Variants in CASQ2 observed in about 807,000 individuals in gnomAD.
CASQ2 encodes calsequestrin 2.
Under a neutral mutation model 46.5 loss-of-function variants are expected in CASQ2, and 49 were observed. The observed-to-expected ratio is 1.05, with a 90% CI of 0.84 to 1.34. The LOEUF (loss-of-function observed/expected upper bound fraction) is 1.34, where lower values mean the gene tolerates loss of function less well. CASQ2 is among the 40% of genes most tolerant of loss of function. CASQ2 has a pLI of 0.00. For missense variants in CASQ2, 486 were observed against 481.3 expected, an observed-to-expected ratio of 1.01 and a Z score of -0.09; for synonymous variants, 174 against 168.5, an observed-to-expected ratio of 1.03 and a Z score of -0.25.
At chr1:115,735,332 G>C (rs376931421) in intron 4 of CASQ2, among the ~76,000 whole-genome samples, 1 of 152,116 alleles carries the variant, frequency 6.6e-6, no homozygotes, top group African/African-American at 2.4e-5. Flanking sequence ...GGTTAACTGC[G>C]CAAGAATTTT....
intron 4 of CASQ2, among the ~76,000 whole-genome samples, chr1:115,734,338 G>T (rs1036181709): frequency 2.6e-5 from 4 of 152,122 alleles, no homozygotes; most frequent in African/African-American, 9.7e-5. Context: ...CAATCCCCAT[G>T]TCCCTGATGA....
intron 1 of CASQ2, among the ~76,000 whole-genome samples, chr1:115,757,231 T>C (rs534764954): frequency 2.4e-4 from 36 of 152,278 alleles, no homozygotes; most frequent in African/African-American, 7.7e-4. Flanking sequence ...TCTTTTACCG[T>C]CTCACTCCAA....
chr1:115,722,613 G>A (rs757031441), intron 7 of CASQ2, among the ~76,000 whole-genome samples: 2 of 151,936 alleles, frequency 1.3e-5, no homozygotes, highest in Non-Finnish European at 2.9e-5. Flanking sequence ...TGCCTCTTAG[G>A]AATAAAGACA....
intron 2 of CASQ2, among the ~76,000 whole-genome samples, chr1:115,743,197 G>GTTTATTTATTTATTTA (rs61424506): frequency 2.7e-5 from 1 of 36,378 alleles, no homozygotes; most frequent in African/African-American, 3.8e-5. Context: ...CTTTATTTTT[G>GTTTATTTATTTATTTA]TTTATTTATT....
chr1:115,708,383 G>A (rs185375627), intron 8 of CASQ2, among the ~76,000 whole-genome samples: 231 of 152,284 alleles, frequency 1.5e-3, no homozygotes, highest in Admixed American at 2.5e-3. Flanking sequence ...TTCTGTAATG[G>A]ACAATGTCTC....
intron 7 of CASQ2, among the ~76,000 whole-genome samples, chr1:115,724,476 A>G (rs1352736650): frequency 1.3e-5 from 2 of 152,164 alleles, no homozygotes; most frequent in Non-Finnish European, 2.9e-5. Flanking sequence ...CTAATTAATA[A>G]TACTTGTTCT....
Position 115,721,692 on chromosome 1 carries a change from T to C in CASQ2, c.784-3798A>G, listed in dbSNP as rs186405298. ...CTCAAAGGATGCTCCTGCCTCAGCC[T>C]CTCAAGCAGCTGGGACTATTGGCAC... On this transcript the variant is annotated intron_variant, in intron 7 of 10. Transcript: ENST00000261448. Among the ~76,000 whole-genome samples, 277 of 152,238 alleles carry C rather than the reference T, an allele frequency of 1.8e-3. 1 individual carries two copies. The highest frequency in any genetic ancestry group is 2.9e-3 in the Admixed American group (44 of 15,298).
intron 8 of CASQ2, among the ~76,000 whole-genome samples, chr1:115,717,271 A>C (rs915268015): frequency 6.6e-6 from 1 of 152,186 alleles, no homozygotes; most frequent in African/African-American, 2.4e-5. Flanking sequence ...CTAATACAAT[A>C]AGATTTCCAT....
chr1:115,743,866 A>G (rs1648284496), intron 2 of CASQ2, among the ~76,000 whole-genome samples: 2 of 152,024 alleles, frequency 1.3e-5, no homozygotes, highest in Admixed American at 6.5e-5. Context: ...GCCGGGAGCT[A>G]TGGCTCACGC....
chr1:115,723,307 A>ATCTATCTATCTG (rs1647456284), intron 7 of CASQ2, among the ~76,000 whole-genome samples: 2 of 150,332 alleles, frequency 1.3e-5, no homozygotes, highest in African/African-American at 2.5e-5. Context: ...CTATCTATTT[A>ATCTATCTATCTG]TCTATCTATC....
chr1:115,743,991 A>AG (rs907291078), intron 2 of CASQ2, among the ~76,000 whole-genome samples: 4 of 151,842 alleles, frequency 2.6e-5, no homozygotes, highest in African/African-American at 9.7e-5. Context: ...ACAAAAAAAA[A>AG]AAATGAACTG....
chr1:115,758,732 G>A (rs758053065), intron 1 of CASQ2, among the ~76,000 whole-genome samples: 5 of 152,042 alleles, frequency 3.3e-5, no homozygotes, highest in Admixed American at 6.5e-5. Context: ...TCTCTCTCTC[G>A]CTTCCTCTGG....
At chr1:115,703,080 A>C in intron 9 of CASQ2, 85 bp from the exon 10 acceptor site, 2 of 1,035,574 alleles carry the variant, frequency 1.9e-6, no homozygotes, top group Non-Finnish European at 3.0e-6. Context: ...CACAGTAACT[A>C]GGTCACCATT....
At position 115,705,222 on chromosome 1, in the gene CASQ2, G is replaced by A. The variant is rs1403247171; in HGVS notation, c.909C>T (p.Ile303=). Residue 303 remains isoleucine (I), a synonymous_variant, in exon 9 of 11, where the codon ATC becomes ATT. Transcript: ENST00000261448. The part of the protein sequence containing the change: ...RDNTDNPDLS[I]LWIDPDDFPL... ...GAAAGTCGTCCGGGTCGATCCACAG[G>A]ATGCTCAGATCGGGGTTGTCAGTAT... 2 of 1,613,838 alleles carry A rather than the reference G, an allele frequency of 1.2e-6. No homozygotes were observed. Among genetic ancestry groups the A allele is most frequent in the East Asian group, 2.2e-5 (1 of 44,880 alleles).
chr1:115,736,022 G>T (rs923431165), intron 4 of CASQ2, among the ~76,000 whole-genome samples: 1 of 151,774 alleles, frequency 6.6e-6, no homozygotes, highest in African/African-American at 2.4e-5. Flanking sequence ...AATTAGCCAG[G>T]CATGGTGGCA....
At chr1:115,720,005 T>C (rs1570809697) in intron 7 of CASQ2, among the ~76,000 whole-genome samples, 1 of 152,306 alleles carries the variant, frequency 6.6e-6, no homozygotes, top group African/African-American at 2.4e-5. Flanking sequence ...ACTTTGTAAG[T>C]ACATTATCTC....
chr1:115,712,795 G>A (rs1654588364), intron 8 of CASQ2, among the ~76,000 whole-genome samples: 2 of 149,502 alleles, frequency 1.3e-5, no homozygotes, highest in Non-Finnish European at 3.0e-5. Flanking sequence ...GGTGGAGGTT[G>A]CAGTGAGCAG....
chr1:115,708,502 G>A (rs990384411), intron 8 of CASQ2, among the ~76,000 whole-genome samples: 33 of 152,152 alleles, frequency 2.2e-4, no homozygotes, highest in African/African-American at 7.5e-4. Flanking sequence ...GGCCAAGGTC[G>A]TGGATGTACC....
chr1:115,714,190 T>C (rs889624087), intron 8 of CASQ2, among the ~76,000 whole-genome samples: 12 of 152,158 alleles, frequency 7.9e-5, no homozygotes, highest in African/African-American at 2.9e-4. Flanking sequence ...CTTCCTCAGT[T>C]GTAATAAAAA....
Sources: allele counts gnomAD v4.1 joint callset (sites outside exome capture counted in the v4.1 genomes callset), GRCh38; gene constraint gnomAD v4.1.1; transcripts MANE v1.5; gene names NCBI Gene and HGNC (gene_info 2026-07-23, HGNC 2026-07-21).